Variants in ZFAND3 observed in about 807,000 individuals in gnomAD.
ZFAND3 encodes zinc finger AN1-type containing 3, also known as AN1-type zinc finger protein 3.
Under a neutral mutation model 29.6 loss-of-function variants are expected in ZFAND3, and 10 were observed. That is an observed-to-expected ratio of 0.34 (90% CI 0.21 to 0.57). ZFAND3 has a LOEUF of 0.57. Ranked by LOEUF, ZFAND3 falls within the 20% of genes least tolerant of loss-of-function variation. The pLI, the probability that ZFAND3 is intolerant of heterozygous loss-of-function variation, is 0.86. For synonymous variants in ZFAND3, 128 were observed against 112.6 expected (o/e 1.14, Z -0.87); for missense variants, 230 against 304.5 (o/e 0.76, Z 1.82).
intron 2 of ZFAND3, among the ~76,000 whole-genome samples, chr6:37,932,581 G>A (rs1202922321): frequency 6.6e-6 from 1 of 152,172 alleles, no homozygotes; most frequent in Non-Finnish European, 1.5e-5. Flanking sequence ...ATTTAGTAAA[G>A]TATGGCTTTG....
chr6:38,108,953 A>T (rs933067090), intron 4 of ZFAND3, among the ~76,000 whole-genome samples: 7 of 152,266 alleles, frequency 4.6e-5, no homozygotes, highest in Admixed American at 2.0e-4. Flanking sequence ...TGAAATTTTT[A>T]AATTTATTGA....
rs759424274 is a variant in ZFAND3, at chr6:38,060,490, G to A, written c.113-1103G>A. On this transcript the variant is annotated intron_variant, in intron 2 of 5. Coordinates refer to ENST00000287218, the MANE Select transcript of ZFAND3 (RefSeq NM_021943.3). ...TCTCTGCTTTCTCTGTTCCTGTCCT[G>A]TCCTGTCCTCCCTTCCCCTTGCCCT... Among the ~76,000 whole-genome samples, 3 of 136,204 alleles carry A rather than the reference G, an allele frequency of 2.2e-5. No individual in the cohort carries two copies. In the East Asian group the frequency reaches 6.4e-4, roughly 29 times the overall value. 89.4% of individuals were successfully genotyped at this position (136,204 alleles called of 152,430 possible). A position where few individuals can be genotyped will look rare whatever the true frequency, so the allele number is the denominator to read the frequency against.
intron 2 of ZFAND3, among the ~76,000 whole-genome samples, chr6:38,031,141 T>C (rs565305054): frequency 1.3e-5 from 2 of 152,196 alleles, no homozygotes; most frequent in Non-Finnish European, 2.9e-5. Context: ...GGTGCTGCTT[T>C]TTTCACTACG....
At chr6:38,025,741 T>G (rs529860613) in intron 2 of ZFAND3, among the ~76,000 whole-genome samples, 1 of 152,228 alleles carries the variant, frequency 6.6e-6, no homozygotes, top group Admixed American at 6.5e-5. Context: ...TTGAAAACTT[T>G]CATGCTGTGT....
intron 5 of ZFAND3, among the ~76,000 whole-genome samples, chr6:38,126,607 A>G (rs1159545574): frequency 2.0e-5 from 3 of 152,208 alleles, no homozygotes; most frequent in Non-Finnish European, 4.4e-5. Flanking sequence ...GTGTAGTAGT[A>G]TCTCATTATG....
intron 4 of ZFAND3, among the ~76,000 whole-genome samples, chr6:38,108,732 T>G (rs1471427491): frequency 1.3e-5 from 2 of 152,316 alleles, no homozygotes; most frequent in South Asian, 4.1e-4. Flanking sequence ...TCCACCAACT[T>G]AAACGACAGT....
At chr6:38,074,921 A>G (rs970192255) in intron 3 of ZFAND3, among the ~76,000 whole-genome samples, 4 of 152,176 alleles carry the variant, frequency 2.6e-5, no homozygotes, top group African/African-American at 9.6e-5. Flanking sequence ...TGGAACAACA[A>G]AGCCTGGATG....
intron 1 of ZFAND3, among the ~76,000 whole-genome samples, chr6:37,874,559 C>A (rs1404682141): frequency 6.6e-6 from 1 of 150,884 alleles, no homozygotes; most frequent in African/African-American, 2.5e-5. Flanking sequence ...ACAAGGACAC[C>A]AGTCATATTG....
chr6:37,908,044 G>A (rs947615830), intron 1 of ZFAND3, among the ~76,000 whole-genome samples: 6 of 151,954 alleles, frequency 3.9e-5, no homozygotes, highest in South Asian at 2.1e-4. Flanking sequence ...TTCCCACCCC[G>A]CCGTTTCTAA....
At chr6:38,007,089 C>T (rs180895335) in intron 2 of ZFAND3, among the ~76,000 whole-genome samples, 6 of 152,176 alleles carry the variant, frequency 3.9e-5, no homozygotes, top group African/African-American at 1.2e-4. Context: ...CATACACTTG[C>T]CAACTTTTAT....
At chr6:37,977,456 T>A (rs1035463411) in intron 2 of ZFAND3, among the ~76,000 whole-genome samples, 4 of 152,078 alleles carry the variant, frequency 2.6e-5, no homozygotes, top group Admixed American at 1.3e-4. Flanking sequence ...TGCCCACCAC[T>A]ACGCCTGGGT....
chr6:37,904,911 G>A (rs1015612460), intron 1 of ZFAND3, among the ~76,000 whole-genome samples: 1 of 152,132 alleles, frequency 6.6e-6, no homozygotes, highest in Admixed American at 6.5e-5. Context: ...GCTACATGTT[G>A]TGTAAGGCTT....
chr6:37,922,262 CA>C (rs1168738140), intron 1 of ZFAND3, among the ~76,000 whole-genome samples: 1 of 151,270 alleles, frequency 6.6e-6, no homozygotes, highest in Non-Finnish European at 1.5e-5. Flanking sequence ...GATTTAAGTC[CA>C]AAAATGCTCA....
intron 2 of ZFAND3, among the ~76,000 whole-genome samples, chr6:37,999,097 A>G (rs1359688633): frequency 2.0e-5 from 3 of 152,222 alleles, no homozygotes; most frequent in African/African-American, 7.2e-5. Flanking sequence ...TGAACATATT[A>G]TAGTGCCAAA....
intron 2 of ZFAND3, among the ~76,000 whole-genome samples, chr6:37,966,176 A>C (rs1040911594): frequency 3.7e-4 from 56 of 152,204 alleles, no homozygotes; most frequent in African/African-American, 1.3e-3. Flanking sequence ...CCTTCTATGC[A>C]AAGACAGTGA....
At chr6:38,034,293 A>T (rs1763617340) in intron 2 of ZFAND3, among the ~76,000 whole-genome samples, 1 of 152,204 alleles carries the variant, frequency 6.6e-6, no homozygotes, top group Non-Finnish European at 1.5e-5. Flanking sequence ...GGAGATGTTA[A>T]AATGCAAGAA....
chr6:38,043,152 G>A (rs1221017917), intron 2 of ZFAND3, among the ~76,000 whole-genome samples: 1 of 151,992 alleles, frequency 6.6e-6, no homozygotes, highest in Non-Finnish European at 1.5e-5. Context: ...TGTGTGTAGT[G>A]CATGCTGATA....
intron 5 of ZFAND3, among the ~76,000 whole-genome samples, chr6:38,127,317 C>T (rs951151933): frequency 6.6e-6 from 1 of 152,196 alleles, no homozygotes; most frequent in Non-Finnish European, 1.5e-5. Context: ...GATTATTTAA[C>T]CCATGGTAGG....
chr6:37,993,577 T>C (rs975587706), intron 2 of ZFAND3, among the ~76,000 whole-genome samples: 4 of 152,150 alleles, frequency 2.6e-5, no homozygotes, highest in African/African-American at 9.7e-5. Context: ...TCTGCCCACC[T>C]TGGCCTCCCA....
Sources: allele counts gnomAD v4.1 joint callset (sites outside exome capture counted in the v4.1 genomes callset), GRCh38; gene constraint gnomAD v4.1.1; transcripts MANE v1.5; gene names NCBI Gene and HGNC (gene_info 2026-07-23, HGNC 2026-07-21).